Variants in PDE7A observed in about 807,000 individuals in gnomAD.
PDE7A encodes phosphodiesterase 7A.
Under a neutral mutation model 64.3 loss-of-function variants are expected in PDE7A, and 39 were observed. That is an observed-to-expected ratio of 0.61 (90% CI 0.47 to 0.79). The LOEUF (loss-of-function observed/expected upper bound fraction) is 0.79, where lower values mean the gene tolerates loss of function less well. PDE7A is among the 30% of genes least tolerant of loss of function. The pLI, the probability that PDE7A is intolerant of heterozygous loss-of-function variation, is 0.00. For synonymous variants in PDE7A, 203 were observed against 206.8 expected, an observed-to-expected ratio of 0.98 and a Z score of 0.16; for missense variants, 470 against 582.8, an observed-to-expected ratio of 0.81 and a Z score of 1.99.
intron 1 of PDE7A, among the ~76,000 whole-genome samples, chr8:65,813,014 A>G (rs1036297258): frequency 3.3e-5 from 5 of 152,242 alleles, no homozygotes; most frequent in African/African-American, 1.2e-4. Flanking sequence ...TTGCTCAGGA[A>G]CTAAACAGAT....
chr8:65,719,733 C>G (rs1188088878), intron 12 of PDE7A: 4 of 523,964 alleles, frequency 7.6e-6, no homozygotes, highest in South Asian at 5.0e-5. Context: ...ACAAATATAT[C>G]TAACCTTTTC....
In PDE7A at chr8:65,842,028, TTCAC is replaced by T. The variant is rs905056990; in HGVS notation, c.-524_-521del. On this transcript the variant is annotated 5_prime_UTR_variant, in exon 1 of 13. Coordinates refer to ENST00000401827, the MANE Select transcript of PDE7A (RefSeq NM_001242318.3). ...CTCCTCCCCTCCCCCGGAGCCTGAC[TTCAC>T]TCCGCCGCCGGCGCGAGCCCGGCGT... 9.4e-6 allele frequency: 2 copies of T among 212,356 alleles called. No individual in the cohort carries two copies. The highest frequency in any genetic ancestry group is 1.3e-4 in the Admixed American group (2 of 15,892). The allele number at this position is 212,356 out of a possible 1,614,324, so 13.2% of individuals were successfully genotyped here.
intron 3 of PDE7A, among the ~76,000 whole-genome samples, chr8:65,762,109 A>C (rs1222234277): frequency 6.6e-6 from 1 of 152,200 alleles, no homozygotes; most frequent in African/African-American, 2.4e-5. Flanking sequence ...TTATTGTTTA[A>C]AATTTTTTTA....
intron 1 of PDE7A, among the ~76,000 whole-genome samples, chr8:65,802,088 G>A (rs531761667): frequency 6.6e-6 from 1 of 152,280 alleles, no homozygotes; most frequent in Admixed American, 6.5e-5. Context: ...TAAGCCACAT[G>A]ATCTAACATC....
chr8:65,822,941 T>TTATCTATCTATCTATC (rs149238076), intron 1 of PDE7A, among the ~76,000 whole-genome samples: 1 of 148,820 alleles, frequency 6.7e-6, no homozygotes, highest in African/African-American at 2.6e-5. Context: ...TCTATTAACT[T>TTATCTATCTATCTATC]TATCTATCTA....
intron 1 of PDE7A, among the ~76,000 whole-genome samples, chr8:65,810,496 T>C (rs1810234947): frequency 6.6e-6 from 1 of 152,034 alleles, no homozygotes; most frequent in Non-Finnish European, 1.5e-5. Flanking sequence ...TAAAGTGTAA[T>C]AAAAAAAGTA....
intron 11 of PDE7A, 140 bp from the exon 12 acceptor site, chr8:65,723,761 T>C (rs1806492684): frequency 1.9e-6 from 1 of 519,770 alleles, no homozygotes; most frequent in Non-Finnish European, 3.1e-6. Flanking sequence ...CAATTAGTTC[T>C]TTTTAAAATT....
intron 5 of PDE7A, among the ~76,000 whole-genome samples, chr8:65,740,671 AT>A (rs370946992): frequency 1.3e-5 from 2 of 151,996 alleles, no homozygotes; most frequent in African/African-American, 2.4e-5. Context: ...AAGTGCTGGG[AT>A]TTACAGGCGT....
At chr8:65,759,902 T>C (rs909220401) in intron 3 of PDE7A, among the ~76,000 whole-genome samples, 1 of 152,192 alleles carries the variant, frequency 6.6e-6, no homozygotes, top group Admixed American at 6.5e-5. Flanking sequence ...TATATACGTA[T>C]AATTTTTCTT....
At chr8:65,803,866 C>A (rs993400024) in intron 1 of PDE7A, among the ~76,000 whole-genome samples, 6 of 152,068 alleles carry the variant, frequency 3.9e-5, no homozygotes, top group African/African-American at 1.4e-4. Context: ...CAGTTGGGAA[C>A]CATAGGACAG....
At chr8:65,827,729 A>G (rs1810712450) in intron 1 of PDE7A, among the ~76,000 whole-genome samples, 1 of 152,200 alleles carries the variant, frequency 6.6e-6, no homozygotes, top group Non-Finnish European at 1.5e-5. Flanking sequence ...TTAGTACAGT[A>G]ACATGCAGTA....
intron 1 of PDE7A, among the ~76,000 whole-genome samples, chr8:65,798,044 A>C (rs1000128510): frequency 6.7e-6 from 1 of 150,264 alleles, no homozygotes. Flanking sequence ...TCTTCAAAAC[A>C]CAGTGTTAAG....
At chr8:65,721,750 G>A (rs1305827103) in intron 12 of PDE7A, 2 of 151,404 alleles carry the variant, frequency 1.3e-5, no homozygotes, top group African/African-American at 4.9e-5. Context: ...AAAAGTAACT[G>A]AGTTGACTAC....
chr8:65,800,584 ACAC>A (rs1177909873), intron 1 of PDE7A, among the ~76,000 whole-genome samples: 3 of 152,148 alleles, frequency 2.0e-5, no homozygotes, highest in African/African-American at 7.2e-5. Context: ...TCTGCAGTAA[ACAC>A]CTATTGCTGT....
chr8:65,734,933 A>C (rs371528965), intron 6 of PDE7A, 39 bp from the exon 7 acceptor site: 71 of 1,224,488 alleles, frequency 5.8e-5, no homozygotes, highest in Non-Finnish European at 8.4e-5. Flanking sequence ...ATTGTATATG[A>C]GCAACATATA....
intron 3 of PDE7A, among the ~76,000 whole-genome samples, chr8:65,776,392 T>G (rs1809259987): frequency 1.3e-5 from 2 of 152,178 alleles, no homozygotes; most frequent in Admixed American, 1.3e-4. Context: ...AGATGTAAAC[T>G]CCATAATTTC....
At chr8:65,814,355 C>CA (rs1319537907) in intron 1 of PDE7A, among the ~76,000 whole-genome samples, 126 of 150,364 alleles carry the variant, frequency 8.4e-4, no homozygotes, top group African/African-American at 3.0e-3. Context: ...ACTAAAAATA[C>CA]AAAAAATTAG....
chr8:65,730,171 C>CTTTTTTTTTTTTTTTTTTTTTTTTTT (rs1179431555), intron 7 of PDE7A, among the ~76,000 whole-genome samples: 1 of 86,448 alleles, frequency 1.2e-5, no homozygotes, highest in African/African-American at 4.8e-5. Flanking sequence ...TTGCGCACTT[C>CTTTTTTTTTTTTTTTTTTTTTTTTTT]TTTTTTTTTT....
chr8:65,784,025 G>C (rs529539006), intron 1 of PDE7A, among the ~76,000 whole-genome samples: 1 of 151,748 alleles, frequency 6.6e-6, no homozygotes, highest in Non-Finnish European at 1.5e-5. Context: ...AAAATCAGTT[G>C]AATTAACAAG....
Sources: gnomAD v4.1 joint callset for allele counts (sites outside exome capture counted in the v4.1 genomes callset) on GRCh38, gnomAD v4.1.1 for gene constraint, MANE v1.5 for transcripts, NCBI Gene and HGNC (gene_info 2026-07-23, HGNC 2026-07-21) for gene names.